CEP70: variants seen among roughly 807,000 people sequenced by gnomAD.
CEP70 encodes centrosomal protein of 70 kDa.
A neutral mutation model predicts 90.9 loss-of-function variants in CEP70; 70 were observed. The observed-to-expected ratio is 0.77, with a 90% CI of 0.64 to 0.94. CEP70 has a LOEUF of 0.94. Ranked by LOEUF, CEP70 falls within the 40% of genes least tolerant of loss-of-function variation. The pLI, the probability that CEP70 is intolerant of heterozygous loss-of-function variation, is 0.00. For synonymous variants in CEP70, 220 were observed against 228.3 expected (o/e 0.96, Z 0.33); for missense variants, 648 against 669.0 (o/e 0.97, Z 0.35).
rs1007216923 is a variant in CEP70 at position 138,547,544 on chromosome 3, AT to A, written c.466-10198del. 4.6e-5 allele frequency among the ~76,000 whole-genome samples: 7 copies of A among 152,164 alleles called. No homozygotes were observed. The East Asian group carries it at 1.3e-3, about 29-fold the overall frequency. Reference sequence around the variant, plus strand: ...ACCATAGATCTTAGCAACCTCAGCAATTTTTTTTCTTTCCTTATTAAGCCAA... The same window carrying A: ...ACCATAGATCTTAGCAACCTCAGCAATTTTTTTCTTTCCTTATTAAGCCAA... On this transcript the variant is annotated intron_variant, in intron 6 of 17. Transcript: ENST00000264982.
chr3:138,545,196 G>C (rs2039090539), intron 6 of CEP70, among the ~76,000 whole-genome samples: 1 of 152,094 alleles, frequency 6.6e-6, no homozygotes, highest in South Asian at 2.1e-4. Context: ...GGAAGTCAGG[G>C]ACCCCAAATG....
intron 6 of CEP70, among the ~76,000 whole-genome samples, chr3:138,556,213 C>A (rs190651763): frequency 6.6e-6 from 1 of 152,126 alleles, no homozygotes; most frequent in Non-Finnish European, 1.5e-5. Flanking sequence ...GGGAGCTAAG[C>A]TATGACAATG....
chr3:138,540,648 A>G (rs1217532468), intron 6 of CEP70, among the ~76,000 whole-genome samples: 2 of 152,184 alleles, frequency 1.3e-5, no homozygotes, highest in Admixed American at 6.5e-5. Context: ...TGTTGATGGG[A>G]ATGTAAATTA....
chr3:138,517,365 T>C (rs1403161084), intron 11 of CEP70, among the ~76,000 whole-genome samples: 2 of 152,014 alleles, frequency 1.3e-5, no homozygotes, highest in Non-Finnish European at 2.9e-5. Context: ...TAAGCTGACA[T>C]GTAATAAAAA....
At chr3:138,550,419 A>T (rs1390176597) in intron 6 of CEP70, among the ~76,000 whole-genome samples, 2 of 152,192 alleles carry the variant, frequency 1.3e-5, no homozygotes, top group East Asian at 3.8e-4. Flanking sequence ...GCTGGAGTGC[A>T]ATGGAGTGAT....
At chr3:138,528,013 C>CAA (rs778963528) in intron 10 of CEP70, among the ~76,000 whole-genome samples, 68 of 62,874 alleles carry the variant, frequency 1.1e-3, no homozygotes, top group African/African-American at 3.6e-3. Flanking sequence ...TTTTTAAAAG[C>CAA]AAAAAAAAAA....
intron 11 of CEP70, among the ~76,000 whole-genome samples, chr3:138,515,367 G>T (rs1267423939): frequency 6.7e-6 from 1 of 150,036 alleles, no homozygotes; most frequent in African/African-American, 2.5e-5. Flanking sequence ...TTTTCCACAA[G>T]GCATATTATA....
intron 2 of CEP70, among the ~76,000 whole-genome samples, chr3:138,576,435 C>T (rs943689133): frequency 2.0e-5 from 3 of 152,138 alleles, no homozygotes; most frequent in Non-Finnish European, 4.4e-5. Context: ...AATACAGGAG[C>T]ACCCAGATTC....
chr3:138,505,154 T>A, intron 13 of CEP70, 141 bp downstream of exon 13: 1 of 543,072 alleles, frequency 1.8e-6, no homozygotes, highest in Non-Finnish European at 2.9e-6. Flanking sequence ...TTTTAGATAA[T>A]AAGCTTTTTT....
At chr3:138,570,996 T>C (rs370964167) in intron 5 of CEP70, 38 bp downstream of exon 5, 152 of 1,506,794 alleles carry the variant, frequency 1.0e-4, no homozygotes, top group Non-Finnish European at 1.2e-4. Flanking sequence ...TTAGAACGCA[T>C]ACAAACAATT....
At chr3:138,527,752 A>C (rs1345969056) in intron 10 of CEP70, among the ~76,000 whole-genome samples, 3 of 151,408 alleles carry the variant, frequency 2.0e-5, no homozygotes, top group Non-Finnish European at 4.4e-5. Flanking sequence ...ATGAGGTCTC[A>C]CATGTTGCTC....
intron 10 of CEP70, among the ~76,000 whole-genome samples, chr3:138,528,219 A>G (rs949990236): frequency 6.6e-5 from 10 of 151,676 alleles, no homozygotes; most frequent in African/African-American, 1.9e-4. Flanking sequence ...TAATTTTTAT[A>G]TTTTTTGTAG....
At chr3:138,525,453 C>A (rs2037128475) in intron 11 of CEP70, 37 bp downstream of exon 11, 2 of 807,670 alleles carry the variant, frequency 2.5e-6, no homozygotes, top group Non-Finnish European at 1.8e-6. Context: ...ATAAAAAATC[C>A]TAATAAAAGA....
rs564642870 is a variant in CEP70 at position 138,529,458 on chromosome 3, A to G, written c.697T>C (p.Tyr233His). Residue 233 changes from tyrosine to histidine, a missense_variant, in exon 9 of 18, where the codon TAT becomes CAT. Physicochemically the swap from Tyr to His is moderately conservative, Grantham distance 83 (BLOSUM62 2). Transcript: ENST00000264982. ...KIRKIHTQRQ[Y>H]KEDESQSEEE... ...TCTGACTGACTTTCATCTTCTTTAT[A>G]TTGCCTATGAAAATATGTATGCAGT... The G allele has an allele frequency of 1.9e-5, 30 of 1,594,532 alleles. 1 individual carries two copies. The highest frequency in any genetic ancestry group is 2.7e-5 in the African/African-American group (2 of 74,114).
At chr3:138,581,292 A>T (rs1576934944) in intron 2 of CEP70, among the ~76,000 whole-genome samples, 1 of 152,044 alleles carries the variant, frequency 6.6e-6, no homozygotes, top group Admixed American at 6.5e-5. Flanking sequence ...AAAAAAAAAA[A>T]AAAAGAAAGA....
chr3:138,533,861 T>C (rs747656460), intron 7 of CEP70, among the ~76,000 whole-genome samples: 5 of 152,298 alleles, frequency 3.3e-5, no homozygotes, highest in Non-Finnish European at 7.4e-5. Flanking sequence ...CCTGGCTCAC[T>C]GTAAGCTCCA....
At chr3:138,501,873 C>A (rs1280532310) in intron 13 of CEP70, among the ~76,000 whole-genome samples, 2 of 152,166 alleles carry the variant, frequency 1.3e-5, no homozygotes, top group Admixed American at 1.3e-4. Context: ...TTGGAGCATT[C>A]TGAATTTCGG....
chr3:138,521,264 C>T (rs1019458069), intron 11 of CEP70, among the ~76,000 whole-genome samples: 8 of 152,120 alleles, frequency 5.3e-5, no homozygotes, highest in South Asian at 2.1e-4. Context: ...TCTGCCAGGC[C>T]GCCCATCGTC....
At chr3:138,560,918 G>A (rs1302233580) in intron 6 of CEP70, among the ~76,000 whole-genome samples, 1 of 152,188 alleles carries the variant, frequency 6.6e-6, no homozygotes, top group Non-Finnish European at 1.5e-5. Flanking sequence ...AGAGCACCTG[G>A]GGGAAGGGGC....
Sources: gnomAD v4.1 joint callset for allele counts (sites outside exome capture counted in the v4.1 genomes callset) on GRCh38, gnomAD v4.1.1 for gene constraint, MANE v1.5 for transcripts, NCBI Gene and HGNC (gene_info 2026-07-23, HGNC 2026-07-21) for gene names.